The following DNAJC24 variants were observed in gnomAD, a reference collection of about 807,000 sequenced individuals.
DNAJC24 encodes the protein dnaJ homolog subfamily C member 24.
Under a neutral mutation model 18.0 loss-of-function variants are expected in DNAJC24, and 17 were observed. The observed-to-expected ratio is 0.94, with a 90% CI of 0.65 to 1.42. DNAJC24 has a LOEUF of 1.42. Among genes scored for constraint, DNAJC24 ranks in the 40% most tolerant of loss-of-function variants. DNAJC24 has a pLI of 0.00. For missense variants in DNAJC24, 158 were observed against 175.6 expected (o/e 0.90, Z 0.57); for synonymous variants, 55 against 57.7 (o/e 0.95, Z 0.21).
intron 2 of DNAJC24, among the ~76,000 whole-genome samples, chr11:31,413,789 G>A (rs1591917933): frequency 6.6e-6 from 1 of 152,276 alleles, no homozygotes; most frequent in African/African-American, 2.4e-5. Flanking sequence ...TTACTTGAGA[G>A]TAAGAAAATT....
chr11:31,417,631 T>C (rs1448712455), intron 3 of DNAJC24, among the ~76,000 whole-genome samples: 4 of 152,092 alleles, frequency 2.6e-5, no homozygotes, highest in African/African-American at 9.7e-5. Context: ...TTGTAAACCT[T>C]TCTTTTCATA....
chr11:31,414,628 T>C (rs1952737246), intron 2 of DNAJC24, among the ~76,000 whole-genome samples, 183 bp from the exon 3 acceptor site: 1 of 152,212 alleles, frequency 6.6e-6, no homozygotes, highest in Non-Finnish European at 1.5e-5. Flanking sequence ...TTATAGCTAG[T>C]CCAGTGGTCT....
At chr11:31,420,550 G>T (rs553727774) in intron 3 of DNAJC24, among the ~76,000 whole-genome samples, 1 of 152,074 alleles carries the variant, frequency 6.6e-6, no homozygotes, top group East Asian at 1.9e-4. Flanking sequence ...CTTATGGTCT[G>T]GTATAGATAG....
intron 2 of DNAJC24, among the ~76,000 whole-genome samples, chr11:31,375,913 C>A (rs1253501143): frequency 2.2e-5 from 3 of 135,298 alleles, no homozygotes; most frequent in Non-Finnish European, 5.1e-5. Context: ...TCTCAGCTAA[C>A]AACCTGGCAG....
intron 2 of DNAJC24, chr11:31,374,022 A>G: frequency 6.3e-6 from 2 of 317,600 alleles, no homozygotes; most frequent in Non-Finnish European, 1.3e-5. Flanking sequence ...TGCCAACACA[A>G]TTATGTCATT....
At chr11:31,410,591 A>G (rs757286323) in intron 2 of DNAJC24, among the ~76,000 whole-genome samples, 14 of 152,234 alleles carry the variant, frequency 9.2e-5, no homozygotes, top group Non-Finnish European at 1.3e-4. Context: ...ATTTTCTGTC[A>G]AAGCACTGTG....
intron 2 of DNAJC24, among the ~76,000 whole-genome samples, chr11:31,391,344 C>A (rs778513917): frequency 2.0e-5 from 3 of 152,128 alleles, no homozygotes; most frequent in Non-Finnish European, 2.9e-5. Context: ...TACTGGAAGT[C>A]CTAGTTAGAG....
intron 2 of DNAJC24, among the ~76,000 whole-genome samples, chr11:31,388,612 C>A (rs1208622112): frequency 6.6e-6 from 1 of 152,094 alleles, no homozygotes; most frequent in Non-Finnish European, 1.5e-5. Flanking sequence ...ACAAGAAATA[C>A]TAAAGGTACT....
intron 3 of DNAJC24, chr11:31,415,787 TC>T (rs1303840537): frequency 6.6e-6 from 1 of 152,236 alleles, no homozygotes; most frequent in Non-Finnish European, 1.5e-5. Flanking sequence ...AAAAGCTGTC[TC>T]GTAGTCGCTT....
At chr11:31,417,794 C>G (rs1368137640) in intron 3 of DNAJC24, among the ~76,000 whole-genome samples, 6 of 152,000 alleles carry the variant, frequency 3.9e-5, no homozygotes, top group Non-Finnish European at 5.9e-5. Context: ...TGTTGGTGCT[C>G]TGTCTTAAGG....
At chr11:31,415,501 A>C (rs1262681948) in intron 3 of DNAJC24, 2 of 152,216 alleles carry the variant, frequency 1.3e-5, no homozygotes, top group Non-Finnish European at 2.9e-5. Flanking sequence ...TGCTTTTTAG[A>C]AAATAGCTTT....
chr11:31,401,020 A>G (rs1952595481), intron 2 of DNAJC24, among the ~76,000 whole-genome samples: 1 of 152,266 alleles, frequency 6.6e-6, no homozygotes, highest in South Asian at 2.1e-4. Context: ...AGGAACATCA[A>G]TAAATTTACA....
At chr11:31,418,870 G>A (rs1292298085) in intron 3 of DNAJC24, among the ~76,000 whole-genome samples, 1 of 151,990 alleles carries the variant, frequency 6.6e-6, no homozygotes, top group African/African-American at 2.4e-5. Context: ...GGGAAGATAA[G>A]CAAATAAATG....
intron 2 of DNAJC24, chr11:31,408,096 T>C (rs1430708530): frequency 1.1e-4 from 52 of 456,064 alleles, no homozygotes; most frequent in Admixed American, 6.3e-4. Flanking sequence ...GCAATTTTCA[T>C]TGTGGTGTTA....
At chr11:31,416,665 G>A (rs902458748) in intron 3 of DNAJC24, 1 of 152,038 alleles carries the variant, frequency 6.6e-6, no homozygotes, top group African/African-American at 2.4e-5. Context: ...TTGACTAGAA[G>A]CCTGCTCTCT....
intron 3 of DNAJC24, among the ~76,000 whole-genome samples, chr11:31,417,741 T>A (rs1261718701): frequency 1.3e-5 from 2 of 152,082 alleles, no homozygotes; most frequent in African/African-American, 4.8e-5. Context: ...AGGAAATGCT[T>A]TATTGGCTGG....
intron 2 of DNAJC24, among the ~76,000 whole-genome samples, chr11:31,397,352 T>G (rs1282486296): frequency 6.6e-6 from 1 of 152,232 alleles, no homozygotes. Context: ...TTAAAAACAT[T>G]TTAAAAACCA....
intron 3 of DNAJC24, chr11:31,422,108 T>C (rs1296541900): frequency 4.5e-6 from 1 of 224,540 alleles, no homozygotes; most frequent in Admixed American, 5.8e-5. Flanking sequence ...CCTATACTTC[T>C]AAAGGTTGAA....
In DNAJC24 at chr11:31,424,530, G is replaced by A. The variant is rs980102443; in HGVS notation, c.251-1757G>A. On this transcript the variant is annotated intron_variant, in intron 3 of 4. Transcript: ENST00000465995. ...GTATCTGAAGAGCATATAGCCTATT[G>A]TACTTTACATAGAATGTGGAAATTA... is the stretch of plus-strand genomic sequence containing the variant. 2.0e-5 allele frequency among the ~76,000 whole-genome samples: 3 copies of A among 152,200 alleles called. No individual in the cohort carries two copies. In the East Asian group the frequency reaches 5.8e-4, roughly 29 times the overall value.
Sources: allele counts gnomAD v4.1 joint callset (sites outside exome capture counted in the v4.1 genomes callset), GRCh38; gene constraint gnomAD v4.1.1; transcripts MANE v1.5; gene names NCBI Gene and HGNC (gene_info 2026-07-23, HGNC 2026-07-21).